The following PIEZO1 variants were observed in gnomAD, a reference collection of about 807,000 sequenced individuals.
PIEZO1 encodes the protein piezo type mechanosensitive ion channel component 1 (Er blood group).
Under a neutral mutation model 297.2 loss-of-function variants are expected in PIEZO1, and 296 were observed. The ratio of observed to expected loss-of-function variants is 1.00; its 90% CI spans 0.91 to 1.10. The LOEUF is 1.10. Ranked by LOEUF, PIEZO1 falls within the 50% of genes least tolerant of loss-of-function variation. The probability of loss-of-function intolerance (pLI) is 0.00; values close to 1 mark genes in which losing one functional copy is unlikely to be tolerated. For missense variants in PIEZO1, 5,018 were observed against 3,455.5 expected (o/e 1.45, Z -11.34); for synonymous variants, 2,427 against 1,507.5 (o/e 1.61, Z -14.13).
rs189688785 is a variant in PIEZO1, at chr16:88,752,896, C to T, written c.65-3417G>A. On this transcript the variant is annotated intron_variant, in intron 1 of 50. Transcript: ENST00000301015. ...TTCATTCATCCATTCATCCATTCAT[C>T]CATTCATTCATTCATTCAATACCAA... 2.8e-4 allele frequency among the ~76,000 whole-genome samples: 34 copies of T among 121,224 alleles called. No homozygotes were observed. The South Asian group carries it at 4.9e-3, about 18-fold the overall frequency. 79.5% of individuals were successfully genotyped at this position (121,224 alleles called of 152,430 possible).
In PIEZO1 at chr16:88,732,633, C is replaced by T. The variant is rs765114227; in HGVS notation, c.2764G>A (p.Gly922Arg). ...DPANWFGVRK[G>R]FPNLGYIQNH... ...TGGATGTAGCCCAGGTTGGGGAACC[C>T]TTTCCGCACCCCAAACCAGTTGGCA... Residue 922 changes from glycine (G) to arginine (R), a missense_variant, in exon 20 of 51, where the codon GGG becomes AGG. Transcript: ENST00000301015. 1 of 1,549,508 alleles carries T rather than the reference C, an allele frequency of 6.5e-7. No homozygotes were observed. The highest frequency in any genetic ancestry group is 8.7e-7 in the Non-Finnish European group (1 of 1,146,474).
At chr16:88,761,820 G>A (rs1387602983) in intron 1 of PIEZO1, among the ~76,000 whole-genome samples, 1 of 151,974 alleles carries the variant, frequency 6.6e-6, no homozygotes, top group Non-Finnish European at 1.5e-5. Context: ...CCAGGGTGTG[G>A]AGGCCTCAGA....
At position 88,784,935 on chromosome 16, in the gene PIEZO1, C is replaced by A. The variant is rs1400477452; in HGVS notation, c.30G>T (p.Leu10=). The part of the protein sequence containing the change: MEPHVLGAV[L]YWLLLPCALL... ...GCGCGCAGGGCAGCAGCAGCCAGTA[C>A]AGGACCGCGCCGAGCACGTGCGGCT... Residue 10 remains leucine (L), a synonymous_variant, in exon 1 of 51, where the codon CTG becomes CTT. Transcript: ENST00000301015. 6.4e-6 allele frequency: 9 copies of A among 1,403,152 alleles called. No individual in the cohort carries two copies. Among genetic ancestry groups the A allele is most frequent in the Non-Finnish European group, 8.4e-6 (9 of 1,072,052 alleles). 86.9% of individuals were successfully genotyped at this position (1,403,152 alleles called of 1,614,324 possible). A position where few individuals can be genotyped will look rare whatever the true frequency, so the allele number is the denominator to read the frequency against.
In PIEZO1 at chr16:88,737,803, C is replaced by T. The variant is rs763614705; in HGVS notation, c.1032G>A (p.Ala344=). 13 of 1,535,718 alleles carry T rather than the reference C, an allele frequency of 8.5e-6. No homozygotes were observed. The highest frequency in any genetic ancestry group is 1.7e-4 in the Middle Eastern group (1 of 6,010). The change falls in exon 9 of 51, where the codon GCG becomes GCA. Residue 344 remains alanine (A), a synonymous_variant. Transcript: ENST00000301015. ...AYRPSGQRKE[A]AKGYEARELE... is the part of the protein sequence containing the mutation. ...GCTCCCGAGCCTCATACCCCTTTGC[C>T]GCCTCCTTCCTCTGCAGAGACCAGC...
chr16:88,731,438 C>G (rs915582256), intron 22 of PIEZO1: 1 of 488,100 alleles, frequency 2.0e-6, no homozygotes, highest in African/African-American at 1.9e-5. Context: ...TGACTCACAA[C>G]TTTCCTGAAG....
intron 42 of PIEZO1, 51 bp from the exon 43 acceptor site, chr16:88,720,011 G>A: frequency 1.3e-6 from 2 of 1,548,894 alleles, no homozygotes; most frequent in Admixed American, 2.0e-5. Flanking sequence ...GCCCCGCAGG[G>A]CCCCCAGCCT....
At chr16:88,762,033 T>C (rs1487883828) in intron 1 of PIEZO1, among the ~76,000 whole-genome samples, 1 of 152,148 alleles carries the variant, frequency 6.6e-6, no homozygotes, top group Non-Finnish European at 1.5e-5. Flanking sequence ...TGGGCAGCCA[T>C]CTCTGGCGCA....
chr16:88,735,852 G>A (rs1905175258), intron 12 of PIEZO1, among the ~76,000 whole-genome samples: 1 of 152,012 alleles, frequency 6.6e-6, no homozygotes, highest in Non-Finnish European at 1.5e-5. Flanking sequence ...CATAGCCCAT[G>A]CTCACACACA....
chr16:88,733,509 G>T, intron 18 of PIEZO1, 55 bp from the exon 19 acceptor site: 2 of 1,532,222 alleles, frequency 1.3e-6, no homozygotes, highest in Non-Finnish European at 1.8e-6. Context: ...GGCACGTGGG[G>T]CTGGGCTTGG....
intron 2 of PIEZO1, chr16:88,745,374 GC>G (rs1285719403): frequency 6.6e-6 from 1 of 152,270 alleles, no homozygotes; most frequent in Admixed American, 6.5e-5. Flanking sequence ...TCCGCTGCCT[GC>G]CGGAGGGAGC....
rs1467384992 is a variant in PIEZO1 at position 88,741,852 on chromosome 16, GTGTGGATGGGT to G, written c.326+190_326+200del. On this transcript the variant is annotated intron_variant, in intron 4 of 50. Transcript: ENST00000301015. ...GATGGGTCTCCAGGTGCGGGTGGGA[GTGTGGATGGGT>G]CTCCAGGTGCGGGTGAGAGTGTGGA... The G allele has an allele frequency of 2.5e-5, 6 of 240,540 alleles. 1 individual carries two copies. The highest frequency in any genetic ancestry group is 1.5e-4 in the African/African-American group (4 of 26,180). 14.9% of individuals were successfully genotyped at this position (240,540 alleles called of 1,614,324 possible).
At chr16:88,757,978 C>T (rs555914038) in intron 1 of PIEZO1, among the ~76,000 whole-genome samples, 15 of 152,288 alleles carry the variant, frequency 9.8e-5, no homozygotes, top group African/African-American at 2.2e-4. Context: ...GACACCCCTC[C>T]GCCACCCTCT....
intron 44 of PIEZO1, chr16:88,717,969 G>C: frequency 2.9e-6 from 1 of 343,436 alleles, no homozygotes; most frequent in Non-Finnish European, 5.6e-6. Context: ...TGTAGTCCCA[G>C]CTACTCGGGA....
intron 39 of PIEZO1, 79 bp downstream of exon 39, chr16:88,721,087 A>C: frequency 7.3e-7 from 1 of 1,366,976 alleles, no homozygotes; most frequent in Non-Finnish European, 9.7e-7. Context: ...TGGCCGTCTC[A>C]TCTGAGAAAG....
intron 21 of PIEZO1, 103 bp from the exon 22 acceptor site, chr16:88,732,013 A>C (rs1057462689): frequency 4.9e-4 from 18 of 36,656 alleles, no homozygotes; most frequent in Non-Finnish European, 8.2e-4. Flanking sequence ...CCCTGCCTGG[A>C]GGCTGCGGGC....
chr16:88,777,434 G>C (rs891625523), intron 1 of PIEZO1, among the ~76,000 whole-genome samples: 5 of 152,060 alleles, frequency 3.3e-5, no homozygotes, highest in Non-Finnish European at 7.4e-5. Context: ...CTGGCCCGCA[G>C]ACACATTGCG....
chr16:88,732,684 G>A lies in PIEZO1; in HGVS notation c.2713C>T (p.Leu905=), dbSNP rs779339338. 14 of 1,549,484 alleles carry A rather than the reference G, an allele frequency of 9.0e-6. No individual in the cohort carries two copies. Among genetic ancestry groups the A allele is most frequent in the Non-Finnish European group, 1.2e-5 (14 of 1,146,396 alleles). The change falls in exon 20 of 51, where the codon CTG becomes TTG. Residue 905 remains leucine (L), a synonymous_variant. Transcript: ENST00000301015. ...GGGTCCACGGGCCCCCGGTACAGCA[G>A]GGACTGGCTGATCTCCGTGGGCAGC... ...NLLPTEISQS[L]LYRGPVDPAN...
rs1465753196 is a variant in PIEZO1 at position 88,734,659 on chromosome 16, G to C, written c.1988C>G (p.Thr663Ser). The change falls in exon 15 of 51, where the codon ACC becomes AGC. Residue 663 changes from threonine (T) to serine (S), a missense_variant. Physicochemically the swap from Thr to Ser is moderately conservative, Grantham distance 58. Coordinates refer to ENST00000301015, the MANE Select transcript of PIEZO1 (RefSeq NM_001142864.4). ...CCCAGCCTGGACTCACTGCTCGTCG[G>C]TGAAGCCAGTGAGGTTGCGCCAGTA... ...PAYWRNLTGFTDEQLGDLGLE... is the reference protein window; with the variant it reads ...PAYWRNLTGFSDEQLGDLGLE... 2 of 1,550,268 alleles carry C rather than the reference G, an allele frequency of 1.3e-6. No homozygotes were observed. The highest frequency in any genetic ancestry group is 2.4e-5 in the South Asian group (2 of 84,064).
chr16:88,774,478 C>T (rs1340320214), intron 1 of PIEZO1, among the ~76,000 whole-genome samples: 3 of 152,222 alleles, frequency 2.0e-5, no homozygotes. Flanking sequence ...GCTGTGATAG[C>T]CAGGACAGCT....
Sources: gnomAD v4.1 joint callset for allele counts (sites outside exome capture counted in the v4.1 genomes callset) on GRCh38, gnomAD v4.1.1 for gene constraint, MANE v1.5 for transcripts, NCBI Gene and HGNC (gene_info 2026-07-23, HGNC 2026-07-21) for gene names.